The following TUBD1 variants were observed in gnomAD, a reference collection of about 807,000 sequenced individuals.
TUBD1 encodes the protein tubulin delta 1.
Under a neutral mutation model 51.2 loss-of-function variants are expected in TUBD1, and 38 were observed. The ratio of observed to expected loss-of-function variants is 0.74; its 90% CI spans 0.57 to 0.97. The LOEUF is 0.97. Among genes scored for constraint, TUBD1 ranks in the 50% least tolerant of loss-of-function variants. The pLI is 0.00. For missense variants in TUBD1, 489 were observed against 538.4 expected, an observed-to-expected ratio of 0.91 and a Z score of 0.91; for synonymous variants, 169 against 178.2, an observed-to-expected ratio of 0.95 and a Z score of 0.41.
rs1284637476 is a variant in TUBD1 at position 59,863,583 on chromosome 17, C to T, written c.1259+81G>A. ...AGTGAGCCAAGATCGTGCCACTGCA[C>T]TCCAGCCTGGGCAACAGAGTGAGAC... On this transcript the variant is annotated intron_variant, in intron 8 of 8. Transcript: ENST00000325752. 5.6e-6 allele frequency: 7 copies of T among 1,248,174 alleles called. No individual in the cohort carries two copies. In the East Asian group the frequency reaches 2.0e-4, roughly 35 times the overall value. 77.3% of individuals were successfully genotyped at this position (1,248,174 alleles called of 1,614,324 possible).
rs547701266 is a variant in TUBD1, at chr17:59,866,768, A to AT, written c.935-20_935-19insA. On this transcript the variant is annotated intron_variant, in intron 6 of 8. Transcript: ENST00000325752. Reference sequence around the variant, plus strand: ...TCAATACCTACCAAAAGAAAAAAAAAGCAAGAGGTTTTATTTTATTTACTT... The same window carrying AT: ...TCAATACCTACCAAAAGAAAAAAAAATGCAAGAGGTTTTATTTTATTTACTT... 193 of 1,581,154 alleles carry AT rather than the reference A, an allele frequency of 1.2e-4. 3 individuals are homozygous for AT. In the Admixed American group the frequency reaches 1.4e-3, roughly 11 times the overall value.
intron 6 of TUBD1, among the ~76,000 whole-genome samples, chr17:59,871,376 T>C (rs1459833305): frequency 6.6e-6 from 1 of 152,078 alleles, no homozygotes; most frequent in Non-Finnish European, 1.5e-5. Context: ...ATTTTTTGTA[T>C]TTTTAGTAGA....
At chr17:59,870,407 A>G (rs1350009005) in intron 6 of TUBD1, among the ~76,000 whole-genome samples, 1 of 113,552 alleles carries the variant, frequency 8.8e-6, no homozygotes, top group African/African-American at 3.3e-5. Context: ...AAAAAAAAAA[A>G]TCAAAGTGTA....
chr17:59,866,101 AC>A (rs967099687), intron 7 of TUBD1, among the ~76,000 whole-genome samples: 13 of 109,196 alleles, frequency 1.2e-4, no homozygotes, highest in Admixed American at 1.1e-3. Context: ...ACAGAGTGAG[AC>A]CCCGTCTCAA....
At chr17:59,878,427 G>C in intron 4 of TUBD1, 93 bp from the exon 5 acceptor site, 1 of 864,334 alleles carries the variant, frequency 1.2e-6, no homozygotes, top group Non-Finnish European at 1.8e-6. Context: ...TTCAAATCCG[G>C]GCTCTGTCAC....
chr17:59,886,607 G>A (rs12951556), intron 2 of TUBD1: 17,136 of 127,886 alleles, frequency 0.13, 1,332 homozygotes, highest in Middle Eastern at 0.28. Flanking sequence ...TCCAGCCTGG[G>A]AGACAGAGTG....
intron 8 of TUBD1, among the ~76,000 whole-genome samples, chr17:59,863,152 T>C (rs1473667307): frequency 6.6e-6 from 1 of 152,208 alleles, no homozygotes; most frequent in South Asian, 2.1e-4. Flanking sequence ...GATTATCTTA[T>C]CTAATCCTCG....
chr17:59,866,772 A>G, intron 6 of TUBD1, 23 bp from the exon 7 acceptor site: 2 of 1,578,428 alleles, frequency 1.3e-6, no homozygotes, highest in Non-Finnish European at 1.7e-6. Context: ...AAAAAAAGCA[A>G]GAGGTTTTAT....
chr17:59,865,720 C>T (rs2039667621), intron 7 of TUBD1, among the ~76,000 whole-genome samples: 1 of 152,188 alleles, frequency 6.6e-6, no homozygotes, highest in South Asian at 2.1e-4. Flanking sequence ...GTATCAATTC[C>T]CCTAAACTTT....
At position 59,874,593 on chromosome 17, in the gene TUBD1, C is replaced by T. The variant is rs769989833; in HGVS notation, c.880G>A (p.Gly294Ser). Residue 294 changes from glycine (G) to serine (S), a missense_variant, in exon 6 of 9, where the codon GGC becomes AGC. Physicochemically the swap from Gly to Ser is moderately conservative, Grantham distance 56 (BLOSUM62 0). Coordinates refer to ENST00000325752, the MANE Select transcript of TUBD1 (RefSeq NM_016261.4). ...ATCTGTCTCAAATGCTTGAGGAGGCCAGCCCAAGTAAATGTGGTGTATGCC... is the reference window on the plus strand; with the variant it reads ...ATCTGTCTCAAATGCTTGAGGAGGCTAGCCCAAGTAAATGTGGTGTATGCC... The part of the protein sequence containing the change: ...SLAYTTFTWA[G>S]LLKHLRQMLI... 4.6e-5 allele frequency: 74 copies of T among 1,613,430 alleles called. No individual in the cohort carries two copies. The highest frequency in any genetic ancestry group is 6.1e-5 in the Non-Finnish European group (72 of 1,179,940).
chr17:59,886,407 T>C, intron 2 of TUBD1, 177 bp from the exon 3 acceptor site: 1 of 622,236 alleles, frequency 1.6e-6, no homozygotes, highest in Non-Finnish European at 2.7e-6. Context: ...AGCAGGCATA[T>C]GCAGATGTTC....
chr17:59,863,898 G>T (rs1028526293), intron 7 of TUBD1, 51 bp from the exon 8 acceptor site: 6 of 1,315,616 alleles, frequency 4.6e-6, no homozygotes, highest in Non-Finnish European at 6.0e-6. Flanking sequence ...ATTAGTAATT[G>T]TGAAAACAAA....
intron 8 of TUBD1, among the ~76,000 whole-genome samples, chr17:59,861,909 G>A (rs2039466997): frequency 6.6e-6 from 1 of 150,950 alleles, no homozygotes; most frequent in South Asian, 2.1e-4. Context: ...CTTGTGATTC[G>A]CCCACCTTGG....
intron 6 of TUBD1, among the ~76,000 whole-genome samples, chr17:59,874,122 G>A (rs2040120217): frequency 6.8e-6 from 1 of 147,972 alleles, no homozygotes; most frequent in South Asian, 2.1e-4. Context: ...CCGGGAGGCG[G>A]AGGTTGCAGT....
At chr17:59,865,550 A>G (rs2039657719) in intron 7 of TUBD1, among the ~76,000 whole-genome samples, 1 of 152,222 alleles carries the variant, frequency 6.6e-6, no homozygotes, top group Non-Finnish European at 1.5e-5. Flanking sequence ...ACTGCACTCC[A>G]GCCTGGGTGA....
At position 59,860,431 on chromosome 17, in the gene TUBD1, G is replaced by GAAAA; in HGVS notation, c.1260-11_1260-8dup. ...GTACTGATGAATGTAGGCTCTGGTA[G>GAAAA]AAAAAAAAAAAAAACAGAAATTACA... On this transcript the variant is annotated splice_region_variant and splice_polypyrimidine_tract_variant and intron_variant, in intron 8 of 8. Transcript: ENST00000325752. 100 of 1,155,504 alleles carry GAAAA rather than the reference G, an allele frequency of 8.7e-5. No individual in the cohort carries two copies. The highest frequency in any genetic ancestry group is 2.3e-4 in the South Asian group (16 of 71,008). 71.6% of individuals were successfully genotyped at this position (1,155,504 alleles called of 1,614,324 possible). A position where few individuals can be genotyped will look rare whatever the true frequency, so the allele number is the denominator to read the frequency against.
At chr17:59,880,087 C>T (rs2144531637) in intron 4 of TUBD1, among the ~76,000 whole-genome samples, 1 of 149,082 alleles carries the variant, frequency 6.7e-6, no homozygotes, top group South Asian at 2.1e-4. Flanking sequence ...GAGATGGAGT[C>T]TCGCTCTGTC....
At position 59,863,663 on chromosome 17, in the gene TUBD1, C is replaced by T. The variant is rs745400831; in HGVS notation, c.1259+1G>A. Reference sequence around the variant, plus strand: ...GGTTTGTAGACTTATTTTATACTTACTTTGAAGCAAACATATTCCATGCCT... The same window carrying T: ...GGTTTGTAGACTTATTTTATACTTATTTTGAAGCAAACATATTCCATGCCT... On this transcript the variant is annotated splice_donor_variant, in intron 8 of 8. Transcript: ENST00000325752. LOFTEE classifies it high-confidence loss of function. The T allele has an allele frequency of 6.6e-7, 1 of 1,517,580 alleles. No homozygotes were observed. Among genetic ancestry groups the T allele is most frequent in the East Asian group, 2.4e-5 (1 of 41,096 alleles). 94.0% of individuals were successfully genotyped at this position (1,517,580 alleles called of 1,614,324 possible). A position where few individuals can be genotyped will look rare whatever the true frequency, so the allele number is the denominator to read the frequency against.
At chr17:59,866,487 C>A in intron 7 of TUBD1, 122 bp downstream of exon 7, 1 of 1,327,600 alleles carries the variant, frequency 7.5e-7, no homozygotes. Context: ...AATTTTGCCA[C>A]TAAAACACAC....
Sources: allele counts gnomAD v4.1 joint callset (sites outside exome capture counted in the v4.1 genomes callset), GRCh38; gene constraint gnomAD v4.1.1; transcripts MANE v1.5; gene names NCBI Gene and HGNC (gene_info 2026-07-23, HGNC 2026-07-21).